Variants in STXBP2 observed in about 807,000 individuals in gnomAD.
STXBP2 encodes syntaxin binding protein 2.
STXBP2 carries 47 observed loss-of-function variants against 72.2 expected under a neutral mutation model. The observed-to-expected ratio is 0.65, with a 90% CI of 0.51 to 0.83. STXBP2 has a LOEUF of 0.83. Ranked by LOEUF, STXBP2 falls within the 40% of genes least tolerant of loss-of-function variation. The pLI is 0.00. For missense variants in STXBP2, 702 were observed against 807.6 expected (o/e 0.87, Z 1.58); for synonymous variants, 367 against 338.7 (o/e 1.08, Z -0.92).
chr19:7,637,836 C>T (rs1343917469), intron 1 of STXBP2, among the ~76,000 whole-genome samples: 1 of 152,210 alleles, frequency 6.6e-6, no homozygotes, highest in Non-Finnish European at 1.5e-5. Context: ...CGTGGCTGGG[C>T]GGGGCCACCC....
chr19:7,634,710 C>G (rs2031463536), upstream of STXBP2, among the ~76,000 whole-genome samples: 1 of 152,148 alleles, frequency 6.6e-6, no homozygotes, highest in South Asian at 2.1e-4. Context: ...GCCAACGTTC[C>G]AGAGGCCACA....
At chr19:7,646,502 G>T in intron 16 of STXBP2, 158 bp downstream of exon 16, 2 of 752,232 alleles carry the variant, frequency 2.7e-6, no homozygotes, top group Non-Finnish European at 2.3e-6. Flanking sequence ...GGCACGCCAA[G>T]CCCGCAGCTG....
upstream of STXBP2, among the ~76,000 whole-genome samples, chr19:7,635,094 T>C (rs1465456785): frequency 2.6e-5 from 4 of 152,204 alleles, no homozygotes; most frequent in Admixed American, 6.5e-5. Context: ...GATTAGTACT[T>C]CATATCTTTT....
chr19:7,632,314 C>T, upstream of STXBP2: 1 of 1,584,432 alleles, frequency 6.3e-7, no homozygotes, highest in Non-Finnish European at 8.6e-7. The surrounding 1 kb of genome is among the most constrained non-coding windows in gnomAD (Gnocchi z 5.2). Flanking sequence ...GCCCTGTTCC[C>T]TCCTGGCTGG....
intron 16 of STXBP2, 27 bp downstream of exon 16, chr19:7,646,371 G>A: frequency 6.3e-7 from 1 of 1,579,922 alleles, no homozygotes; most frequent in South Asian, 1.1e-5. Context: ...CAGGGTGGGG[G>A]CCAGCCCTCC....
At chr19:7,637,055 A>G (rs2031565006), upstream of STXBP2, 4 of 1,202,634 alleles carry the variant, frequency 3.3e-6, no homozygotes, top group South Asian at 1.7e-4. Context: ...GGGCGGGGAC[A>G]GGGCCCGCGG....
At chr19:7,636,812 C>G (rs1213221569), upstream of STXBP2, 3 of 283,952 alleles carry the variant, frequency 1.1e-5, no homozygotes, top group Non-Finnish European at 2.0e-5. Flanking sequence ...GTGTATCTTG[C>G]AGGCACAGAA....
chr19:7,632,785 C>T (rs1284788319), upstream of STXBP2: 18 of 1,564,584 alleles, frequency 1.2e-5, no homozygotes, highest in African/African-American at 2.7e-5. This position sits in a 1 kb window ranked among gnomAD's most constrained non-coding sequence, Gnocchi z 5.2. Flanking sequence ...TCGCCCTGCA[C>T]GTGGCTCAGC....
At chr19:7,630,766 T>C in the STXBP2 span, 3 of 1,536,672 alleles carry the variant, frequency 2.0e-6, no homozygotes, top group Non-Finnish European at 2.6e-6. Flanking sequence ...GACCCTGCCC[T>C]GATGTGGGGC....
intron 15 of STXBP2, chr19:7,645,927 T>C (rs2032115866): frequency 2.1e-6 from 1 of 466,830 alleles, no homozygotes; most frequent in Non-Finnish European, 3.9e-6. Context: ...TCTTCCTCTC[T>C]CTGTTTCCTG....
intron 4 of STXBP2, 168 bp downstream of exon 4, chr19:7,639,975 T>C (rs2146209141): frequency 1.3e-6 from 1 of 777,270 alleles, no homozygotes; most frequent in Non-Finnish European, 2.2e-6. Context: ...TGTGTATGCA[T>C]GTGTGTGCGT....
chr19:7,631,506 C>T, the STXBP2 span: 6 of 1,536,302 alleles, frequency 3.9e-6, no homozygotes, highest in South Asian at 3.6e-5. Context: ...AGAGAGGTTA[C>T]GGAAGCGGCG....
the STXBP2 span, chr19:7,631,279 C>G: frequency 2.1e-6 from 3 of 1,412,146 alleles, no homozygotes; most frequent in South Asian, 1.6e-5. Context: ...TTCCTTATTG[C>G]CTTCTCCTGG....
Position 7,647,837 on chromosome 19 carries a change from C to A in STXBP2, c.*27C>A. 1 of 1,585,166 alleles carries A rather than the reference C, an allele frequency of 6.3e-7. No individual in the cohort carries two copies. Reference sequence around the variant, plus strand: ...CCCTGGCCCCGCCCCCTACCCCTCCCTTTCCAGAGAAATAAACTCTTCCCG... The same window carrying A: ...CCCTGGCCCCGCCCCCTACCCCTCCATTTCCAGAGAAATAAACTCTTCCCG... On this transcript the variant is annotated 3_prime_UTR_variant, in exon 19 of 19. Transcript: ENST00000221283.
At chr19:7,631,240 A>T in the STXBP2 span, 1 of 1,409,794 alleles carries the variant, frequency 7.1e-7, no homozygotes, top group Non-Finnish European at 9.2e-7. Flanking sequence ...AGCCATGAGT[A>T]AGGAACCGAG....
chr19:7,630,417 C>T, the STXBP2 span: 2 of 635,206 alleles, frequency 3.1e-6, no homozygotes, highest in East Asian at 2.7e-5. Context: ...TTTTAGGGTG[C>T]GAGGTTTCTG....
At chr19:7,632,829 G>A (rs763848727), upstream of STXBP2, 28 of 1,548,756 alleles carry the variant, frequency 1.8e-5, no homozygotes, top group Middle Eastern at 1.7e-4. This position sits in a 1 kb window ranked among gnomAD's most constrained non-coding sequence, Gnocchi z 5.2. Flanking sequence ...TGGGGAGCCC[G>A]CCTGGGGACA....
At chr19:7,640,657 T>C (rs528168010) in intron 4 of STXBP2, 74 bp from the exon 5 acceptor site, 1 of 1,589,602 alleles carries the variant, frequency 6.3e-7, no homozygotes, top group Non-Finnish European at 8.6e-7. Context: ...AGATGGGGGG[T>C]GGCTGGGAGG....
upstream of STXBP2, chr19:7,632,691 A>G: frequency 6.5e-7 from 1 of 1,548,314 alleles, no homozygotes. The surrounding 1 kb of genome is among the most constrained non-coding windows in gnomAD (Gnocchi z 5.2). Context: ...CGCCCCATGG[A>G]CAGCACCCCC....
Sources: allele counts gnomAD v4.1 joint callset (sites outside exome capture counted in the v4.1 genomes callset), GRCh38; gene constraint gnomAD v4.1.1; non-coding constraint Gnocchi (gnomAD v3.1); transcripts MANE v1.5; gene names NCBI Gene and HGNC (gene_info 2026-07-23, HGNC 2026-07-21).